Variants in PI4KA observed in about 807,000 individuals in gnomAD.
The protein encoded by PI4KA is PI4-kinase alpha.
In PI4KA, 122 loss-of-function variants were observed where a neutral mutation model predicts 271.4. That is an observed-to-expected ratio of 0.45 (90% CI 0.39 to 0.52). PI4KA has a LOEUF of 0.52. Ranked by LOEUF, PI4KA falls within the 20% of genes least tolerant of loss-of-function variation. The pLI is 0.00. For missense variants in PI4KA, 1,969 were observed against 2,769.1 expected (o/e 0.71, Z 6.48); for synonymous variants, 1,041 against 1,078.8 (o/e 0.96, Z 0.69).
intron 1 of PI4KA, among the ~76,000 whole-genome samples, chr22:20,848,682 A>T (rs900458972): frequency 1.3e-5 from 2 of 152,188 alleles, no homozygotes; most frequent in Admixed American, 1.3e-4. Context: ...TAAAATCTTA[A>T]CTCAAAATGG....
chr22:20,734,802 C>G (rs1440408183), intron 32 of PI4KA: 1 of 596,952 alleles, frequency 1.7e-6, no homozygotes, highest in East Asian at 3.0e-5. Context: ...GTGGACATTG[C>G]AGGTGTGAGG....
chr22:20,825,902 G>T (rs1923347760), intron 3 of PI4KA, among the ~76,000 whole-genome samples: 1 of 152,134 alleles, frequency 6.6e-6, no homozygotes, highest in Non-Finnish European at 1.5e-5. Flanking sequence ...CTCTTAAGTA[G>T]GCCCCAGTGT....
intron 1 of PI4KA, among the ~76,000 whole-genome samples, chr22:20,854,235 C>G (rs71312790): frequency 1.7e-3 from 260 of 152,006 alleles, no homozygotes; most frequent in Non-Finnish European, 3.2e-3. Flanking sequence ...ATTCTCTGGC[C>G]TCAGCCTCCC....
chr22:20,802,703 A>G (rs191211407), intron 13 of PI4KA, among the ~76,000 whole-genome samples: 120 of 152,286 alleles, frequency 7.9e-4, no homozygotes, highest in African/African-American at 2.7e-3. Context: ...GCCTGGCTAA[A>G]TCTTTAAACT....
At chr22:20,792,261 G>C (rs942743687) in intron 19 of PI4KA, among the ~76,000 whole-genome samples, 3 of 152,178 alleles carry the variant, frequency 2.0e-5, no homozygotes, top group African/African-American at 7.2e-5. Flanking sequence ...AAGTCCCCAG[G>C]TTGGGAATAA....
chr22:20,819,685 C>A lies in PI4KA; in HGVS notation c.745G>T (p.Gly249Cys). 1 of 1,613,986 alleles carries A rather than the reference C, an allele frequency of 6.2e-7. No homozygotes were observed. Among genetic ancestry groups the A allele is most frequent in the Non-Finnish European group, 8.5e-7 (1 of 1,179,920 alleles). ...CTGCTGGTTTTCCTCTTCAGGGTAC[C>A]CTCCTGACAGACAGTCAGCAGATTG... is the stretch of plus-strand genomic sequence containing the variant. ...PSNLLTVCQE[G>C]TLKRKTSSVS... is the part of the protein sequence containing the mutation. The change falls in exon 6 of 55, where the codon GGT becomes TGT. Residue 249 changes from glycine to cysteine, a missense_variant. By Grantham distance (159) the Gly-to-Cys change is radical. Coordinates refer to ENST00000255882, the MANE Select transcript of PI4KA (RefSeq NM_058004.4).
At chr22:20,786,209 C>A in intron 19 of PI4KA, 1 of 1,581,844 alleles carries the variant, frequency 6.3e-7, no homozygotes, top group Non-Finnish European at 8.7e-7. Context: ...ACAGCCCCAC[C>A]TCCACTTGCC....
chr22:20,779,696 C>T, intron 19 of PI4KA: 1 of 1,614,250 alleles, frequency 6.2e-7, no homozygotes, highest in Middle Eastern at 1.6e-4. Flanking sequence ...GTCTTAACAT[C>T]CTCAACGCCA....
intron 13 of PI4KA, among the ~76,000 whole-genome samples, chr22:20,802,783 G>A (rs1177542661): frequency 2.0e-5 from 3 of 152,206 alleles, no homozygotes; most frequent in Admixed American, 2.0e-4. Flanking sequence ...GTGGGTAAGA[G>A]GGTGATACTA....
At chr22:20,845,190 G>A (rs1400285866) in intron 1 of PI4KA, among the ~76,000 whole-genome samples, 1 of 152,136 alleles carries the variant, frequency 6.6e-6, no homozygotes, top group South Asian at 2.1e-4. Flanking sequence ...TAAAAGACAG[G>A]TATCTCAAAG....
intron 19 of PI4KA, chr22:20,786,830 C>G (rs1392519089): frequency 2.5e-6 from 4 of 1,582,002 alleles, no homozygotes; most frequent in Admixed American, 1.7e-5. Context: ...CTCTAGCCCT[C>G]TGTGTGCTGA....
chr22:20,828,307 T>C (rs1180090111), intron 3 of PI4KA, among the ~76,000 whole-genome samples: 2 of 152,046 alleles, frequency 1.3e-5, no homozygotes, highest in Non-Finnish European at 2.9e-5. Context: ...TGAAAAGAGA[T>C]CGTTTGACTT....
chr22:20,840,526 C>A (rs1028479377), intron 1 of PI4KA, among the ~76,000 whole-genome samples: 1 of 152,196 alleles, frequency 6.6e-6, no homozygotes, highest in Admixed American at 6.5e-5. Flanking sequence ...AGAGTGAAAA[C>A]AGAGACAGGT....
chr22:20,761,322 T>C lies in PI4KA; in HGVS notation c.2773A>G (p.Ile925Val). 1.2e-6 allele frequency: 2 copies of C among 1,606,166 alleles called. No individual in the cohort carries two copies. The highest frequency in any genetic ancestry group is 1.7e-6 in the Non-Finnish European group (2 of 1,172,672). The change falls in exon 23 of 55, where the codon ATT becomes GTT. Residue 925 changes from isoleucine (I) to valine (V), a missense_variant. Coordinates refer to ENST00000255882, the MANE Select transcript of PI4KA (RefSeq NM_058004.4). ...VMFCYFEDKA[I>V]QKDKSGMMQC... is the part of the protein sequence containing the mutation. Reference sequence around the variant, plus strand: ...AGCTTACCAGATTTGTCTTTCTGAATAGCTTTATCCTCAAAGTAGCAGAAC... The same window carrying C: ...AGCTTACCAGATTTGTCTTTCTGAACAGCTTTATCCTCAAAGTAGCAGAAC...
In PI4KA at chr22:20,779,838, C is replaced by G. The variant is rs371947168; in HGVS notation, c.2328+13355G>C. On this transcript the variant is annotated intron_variant, in intron 19 of 54. Coordinates refer to ENST00000255882, the MANE Select transcript of PI4KA (RefSeq NM_058004.4). Reference sequence around the variant, plus strand: ...AGGTCTGAAGGGAGAGACCCATGAACAAGTGCACTCGATTTTGCATTTTAA... The same window carrying G: ...AGGTCTGAAGGGAGAGACCCATGAAGAAGTGCACTCGATTTTGCATTTTAA... 9.9e-6 allele frequency: 16 copies of G among 1,614,096 alleles called. No homozygotes were observed. In the African/African-American group the frequency reaches 1.6e-4, roughly 16 times the overall value.
chr22:20,774,755 C>T (rs1224310263), intron 19 of PI4KA, among the ~76,000 whole-genome samples: 25 of 120,604 alleles, frequency 2.1e-4, no homozygotes, highest in African/African-American at 7.4e-4. Flanking sequence ...AGTTAGACTC[C>T]GTCAAAAAAA....
rs575807288 is a variant in PI4KA, at chr22:20,818,906, A to AT, written c.790-358dup. Among the ~76,000 whole-genome samples, 44 of 152,292 alleles carry AT rather than the reference A, an allele frequency of 2.9e-4. No individual in the cohort carries two copies. The East Asian group carries it at 7.1e-3, about 25-fold the overall frequency. On this transcript the variant is annotated intron_variant, in intron 6 of 54. Transcript: ENST00000255882. ...GCTATGAAACATATACTTTATGACT[A>AT]TGAAATCACTTATAAATCTTATGTT...
intron 1 of PI4KA, among the ~76,000 whole-genome samples, chr22:20,847,416 A>T (rs1926404339): frequency 1.3e-5 from 2 of 152,102 alleles, no homozygotes; most frequent in Admixed American, 6.6e-5. Context: ...GTGAGTCTCT[A>T]AAAAAAATTT....
chr22:20,792,790 C>T (rs1355465000), intron 19 of PI4KA, among the ~76,000 whole-genome samples: 2 of 152,174 alleles, frequency 1.3e-5, no homozygotes, highest in African/African-American at 4.8e-5. Flanking sequence ...GGCCTGAGCG[C>T]CGACAAGAGG....
Sources: gnomAD v4.1 joint callset for allele counts (sites outside exome capture counted in the v4.1 genomes callset) on GRCh38, gnomAD v4.1.1 for gene constraint, MANE v1.5 for transcripts, NCBI Gene and HGNC (gene_info 2026-07-23, HGNC 2026-07-21) for gene names.